The following LRP1B variants were observed in gnomAD, a reference collection of about 807,000 sequenced individuals.
The protein encoded by LRP1B is low-density lipoprotein receptor-related protein 1B.
LRP1B carries 217 observed loss-of-function variants against 556.6 expected under a neutral mutation model. The ratio of observed to expected loss-of-function variants is 0.39; its 90% CI spans 0.35 to 0.44. LRP1B has a LOEUF of 0.44. LRP1B is among the 20% of genes least tolerant of loss of function. The pLI is 1.00. For synonymous variants in LRP1B, 2,047 were observed against 1,865.8 expected (o/e 1.10, Z -2.50); for missense variants, 5,053 against 5,620.8 (o/e 0.90, Z 3.23).
At chr2:141,231,073 C>T (rs938548484) in intron 5 of LRP1B, among the ~76,000 whole-genome samples, 1 of 152,146 alleles carries the variant, frequency 6.6e-6, no homozygotes, top group African/African-American at 2.4e-5. Context: ...TTTATTTAAC[C>T]TATGAAGGGA....
chr2:141,997,803 A>G (rs1195970275), intron 1 of LRP1B, among the ~76,000 whole-genome samples: 3 of 151,936 alleles, frequency 2.0e-5, no homozygotes, highest in Admixed American at 1.3e-4. Flanking sequence ...TGTGCTGCAT[A>G]AGGGACCTAA....
At chr2:140,343,512 T>A (rs994627036) in intron 77 of LRP1B, among the ~76,000 whole-genome samples, 1 of 151,496 alleles carries the variant, frequency 6.6e-6, no homozygotes, top group African/African-American at 2.4e-5. Context: ...AATATAAATA[T>A]TGAAATGAAG....
intron 5 of LRP1B, among the ~76,000 whole-genome samples, chr2:141,243,094 T>C (rs1683939255): frequency 6.6e-6 from 1 of 152,046 alleles, no homozygotes; most frequent in Non-Finnish European, 1.5e-5. Context: ...CAAGAAGTTT[T>C]ACTGGGTACC....
chr2:140,726,693 C>A (rs1316891565), intron 35 of LRP1B, among the ~76,000 whole-genome samples: 1 of 152,122 alleles, frequency 6.6e-6, no homozygotes, highest in African/African-American at 2.4e-5. Context: ...ATATTGTGAG[C>A]TCTGAAGTTG....
chr2:142,059,906 G>A (rs971709920), intron 1 of LRP1B, among the ~76,000 whole-genome samples: 1 of 152,036 alleles, frequency 6.6e-6, no homozygotes, highest in Non-Finnish European at 1.5e-5. Context: ...TAAGTACATA[G>A]TTGAATAAAG....
intron 2 of LRP1B, among the ~76,000 whole-genome samples, chr2:141,484,645 G>A (rs1464377328): frequency 6.6e-6 from 1 of 152,006 alleles, no homozygotes; most frequent in Non-Finnish European, 1.5e-5. Context: ...TCATTGAGCA[G>A]TGGTTTGTAG....
Position 141,432,802 on chromosome 2 carries a change from CT to C in LRP1B, c.343+47593del, listed in dbSNP as rs200974119. Among the ~76,000 whole-genome samples, 493 of 151,248 alleles carry C rather than the reference CT, an allele frequency of 3.3e-3. 2 individuals are homozygous for C. The highest frequency in any genetic ancestry group is 0.012 in the African/African-American group (479 of 41,352). On this transcript the variant is annotated intron_variant, in intron 3 of 90. Coordinates refer to ENST00000389484, the MANE Select transcript of LRP1B (RefSeq NM_018557.3). The stretch of plus-strand genomic sequence containing the variant: ...TAATTTGAGTATTTTGCTTTTTTTT[CT>C]TGGTCAAGTTAAACTTGCTGATTGC...
At chr2:141,249,195 A>G (rs1684174111) in intron 4 of LRP1B, among the ~76,000 whole-genome samples, 1 of 152,184 alleles carries the variant, frequency 6.6e-6, no homozygotes, top group African/African-American at 2.4e-5. Flanking sequence ...TATATATAAT[A>G]GATTTTAAAA....
chr2:141,778,951 G>A (rs1371474142), intron 2 of LRP1B, among the ~76,000 whole-genome samples: 1 of 152,164 alleles, frequency 6.6e-6, no homozygotes, highest in Non-Finnish European at 1.5e-5. Flanking sequence ...GACAGGTAGG[G>A]AAAAAGATTT....
chr2:141,219,642 C>T lies in LRP1B; in HGVS notation c.850+9541G>A, dbSNP rs1361974125. 3.9e-5 allele frequency among the ~76,000 whole-genome samples: 6 copies of T among 152,110 alleles called. No individual in the cohort carries two copies. The East Asian group carries it at 9.7e-4, about 25-fold the overall frequency. ...TGCCTCCTGACTGTTTGAGACATCC[C>T]AACAAGGGCCATGAGACACCTCATA... On this transcript the variant is annotated intron_variant, in intron 6 of 90. Coordinates refer to ENST00000389484, the MANE Select transcript of LRP1B (RefSeq NM_018557.3).
At chr2:141,179,486 T>C (rs937365039) in intron 7 of LRP1B, among the ~76,000 whole-genome samples, 1 of 152,086 alleles carries the variant, frequency 6.6e-6, no homozygotes, top group African/African-American at 2.4e-5. Flanking sequence ...AAAAATAGTT[T>C]TGTTTTTACC....
chr2:141,255,039 T>G (rs918036018), intron 3 of LRP1B, among the ~76,000 whole-genome samples: 5 of 152,114 alleles, frequency 3.3e-5, no homozygotes, highest in Non-Finnish European at 5.9e-5. Flanking sequence ...TGTGTAACCT[T>G]CATAGCAATC....
chr2:141,743,297 G>T (rs1023500971), intron 2 of LRP1B, among the ~76,000 whole-genome samples: 7 of 152,062 alleles, frequency 4.6e-5, no homozygotes, highest in Non-Finnish European at 1.5e-5. Flanking sequence ...TGGCCATGAT[G>T]AATTATCTTT....
At chr2:141,530,699 G>A (rs1684843741) in intron 2 of LRP1B, among the ~76,000 whole-genome samples, 1 of 152,102 alleles carries the variant, frequency 6.6e-6, no homozygotes, top group Admixed American at 6.6e-5. Flanking sequence ...ATCAGAAAAT[G>A]ATCTGCCTTA....
intron 11 of LRP1B, among the ~76,000 whole-genome samples, chr2:141,033,806 C>T (rs1259364180): frequency 1.3e-5 from 2 of 152,128 alleles, no homozygotes; most frequent in Admixed American, 1.3e-4. Flanking sequence ...TACCTCCTAC[C>T]TCTAGAACTG....
chr2:140,651,753 G>A (rs1187500313), intron 41 of LRP1B, among the ~76,000 whole-genome samples: 1 of 152,072 alleles, frequency 6.6e-6, no homozygotes, highest in Non-Finnish European at 1.5e-5. Flanking sequence ...ATTAGATTAG[G>A]AGACATATAC....
At chr2:140,495,457 G>T in intron 56 of LRP1B, 108 bp downstream of exon 56, 2 of 977,342 alleles carry the variant, frequency 2.0e-6, no homozygotes, top group East Asian at 2.4e-5. Flanking sequence ...GAAGAATTTT[G>T]ATTTTTCAGA....
chr2:140,363,639 C>T (rs773065227), intron 72 of LRP1B, among the ~76,000 whole-genome samples: 2 of 151,422 alleles, frequency 1.3e-5, no homozygotes, highest in South Asian at 2.1e-4. Flanking sequence ...AGTTGCATTA[C>T]TCATCATAAT....
intron 3 of LRP1B, among the ~76,000 whole-genome samples, chr2:141,271,349 C>CA (rs1685082434): frequency 6.8e-6 from 1 of 147,368 alleles, no homozygotes; most frequent in Non-Finnish European, 1.5e-5. Flanking sequence ...AAAAAAAACA[C>CA]AAAAACTTTC....
Sources: allele counts gnomAD v4.1 joint callset (sites outside exome capture counted in the v4.1 genomes callset), GRCh38; gene constraint gnomAD v4.1.1; transcripts MANE v1.5; gene names NCBI Gene and HGNC (gene_info 2026-07-23, HGNC 2026-07-21).